Variants in RHOH observed in about 807,000 individuals in gnomAD.
The protein encoded by RHOH is rho-related GTP-binding protein RhoH.
In RHOH, 6 loss-of-function variants were observed where a neutral mutation model predicts 13.8. The ratio of observed to expected loss-of-function variants is 0.44; its 90% CI spans 0.24 to 0.86. The LOEUF is 0.86. Among genes scored for constraint, RHOH ranks in the 40% least tolerant of loss-of-function variants. The pLI is 0.24. For synonymous variants in RHOH, 117 were observed against 103.0 expected (o/e 1.14, Z -0.82); for missense variants, 147 against 244.5 (o/e 0.60, Z 2.66).
chr4:40,243,806 C>T lies in RHOH; in HGVS notation c.420C>T (p.Ala140=). ...CVNAMEGKKL[A]QDVRAKGYLE... ...ATGCCATGGAAGGGAAGAAACTGGC[C>T]CAGGATGTCAGAGCCAAGGGCTACC... Residue 140 remains alanine, a synonymous_variant, in exon 3 of 3, where the codon GCC becomes GCT. Coordinates refer to ENST00000381799, the MANE Select transcript of RHOH (RefSeq NM_004310.5). This position sits in a 1 kb window ranked among gnomAD's most constrained non-coding sequence, Gnocchi z 6.2. The T allele has an allele frequency of 6.2e-7, 1 of 1,614,112 alleles. No homozygotes were observed. Among genetic ancestry groups the T allele is most frequent in the African/African-American group, 1.3e-5 (1 of 75,032 alleles).
chr4:40,216,234 C>T (rs113387466), intron 1 of RHOH, among the ~76,000 whole-genome samples: 149 of 151,056 alleles, frequency 9.9e-4, no homozygotes, highest in Middle Eastern at 6.8e-3. Flanking sequence ...TTTGGGAGAC[C>T]GAGGTGGGTG....
intron 1 of RHOH, among the ~76,000 whole-genome samples, chr4:40,242,065 C>T (rs1729321850): frequency 6.6e-6 from 1 of 152,186 alleles, no homozygotes; most frequent in Admixed American, 6.5e-5. Flanking sequence ...CAGGAATAAC[C>T]TTTACTCTGA....
intron 1 of RHOH, among the ~76,000 whole-genome samples, chr4:40,204,487 C>T (rs1465683063): frequency 6.6e-6 from 1 of 152,170 alleles, no homozygotes; most frequent in African/African-American, 2.4e-5. Context: ...TAGTTTTGGT[C>T]ACAGATTCGT....
At chr4:40,203,731 T>C (rs1479871438) in intron 1 of RHOH, among the ~76,000 whole-genome samples, 1 of 152,228 alleles carries the variant, frequency 6.6e-6, no homozygotes, top group Middle Eastern at 3.4e-3. Flanking sequence ...TAAAGGAATA[T>C]AGTTTGTGGC....
chr4:40,235,918 G>GCTGCAGTGAGCTGTGATTGTGCCA (rs1728511396), intron 1 of RHOH, among the ~76,000 whole-genome samples: 2 of 151,384 alleles, frequency 1.3e-5, no homozygotes, highest in African/African-American at 4.9e-5. Context: ...GGAGGTCCAG[G>GCTGCAGTGAGCTGTGATTGTGCCA]CTGCAGTGAG....
intron 1 of RHOH, among the ~76,000 whole-genome samples, chr4:40,241,104 G>A (rs1034336927): frequency 3.3e-5 from 5 of 152,182 alleles, no homozygotes; most frequent in African/African-American, 9.7e-5. Context: ...GTTGCCTCTT[G>A]GTCTAAGGAT....
intron 1 of RHOH, chr4:40,209,496 A>T: frequency 6.6e-6 from 1 of 152,174 alleles, no homozygotes; most frequent in East Asian, 1.9e-4. Context: ...CCCAGGCTAG[A>T]GTGCAGTGGC....
chr4:40,221,820 T>C (rs1424392418), intron 1 of RHOH, among the ~76,000 whole-genome samples: 1 of 152,192 alleles, frequency 6.6e-6, no homozygotes, highest in Non-Finnish European at 1.5e-5. Flanking sequence ...GAGGAAGGCA[T>C]GTTGAAAGCT....
intron 1 of RHOH, among the ~76,000 whole-genome samples, chr4:40,228,011 A>G (rs1020784396): frequency 2.0e-5 from 3 of 152,178 alleles, no homozygotes; most frequent in African/African-American, 4.8e-5. Context: ...AGAAATAATC[A>G]TATATTTATA....
chr4:40,191,156 C>T (rs760451294), upstream of RHOH: 7 of 152,170 alleles, frequency 4.6e-5, no homozygotes, highest in African/African-American at 9.7e-5. Context: ...CCTAGGAGCT[C>T]GGGCCCTTGA....
intron 1 of RHOH, among the ~76,000 whole-genome samples, chr4:40,224,913 T>G (rs1165927492): frequency 6.6e-6 from 1 of 152,216 alleles, no homozygotes; most frequent in Non-Finnish European, 1.5e-5. Flanking sequence ...ACTGAATTAT[T>G]GTTATTATTT....
intron 1 of RHOH, among the ~76,000 whole-genome samples, chr4:40,227,303 A>G (rs554014136): frequency 6.6e-6 from 1 of 152,276 alleles, no homozygotes; most frequent in African/African-American, 2.4e-5. Flanking sequence ...TGGCATGTCT[A>G]TCTAGCTATA....
At chr4:40,197,614 A>T (rs780708920) in intron 1 of RHOH, among the ~76,000 whole-genome samples, 2 of 152,316 alleles carry the variant, frequency 1.3e-5, no homozygotes, top group African/African-American at 4.8e-5. Flanking sequence ...TAGTTTAAAT[A>T]CTACCCAAGG....
chr4:40,243,968 A>G lies in RHOH; in HGVS notation c.*6A>G. 6.2e-7 allele frequency: 1 copy of G among 1,603,096 alleles called. No homozygotes were observed. Among genetic ancestry groups the G allele is most frequent in the Non-Finnish European group, 8.5e-7 (1 of 1,173,736 alleles). On this transcript the variant is annotated 3_prime_UTR_variant, in exon 3 of 3. Coordinates refer to ENST00000381799, the MANE Select transcript of RHOH (RefSeq NM_004310.5). The surrounding 1 kb of genome is among the most constrained non-coding windows in gnomAD (Gnocchi z 6.2). ...ATGAGTGCAAGATCTTCTAAACCCC[A>G]AGAGACTTCACACAACACTTATGTA...
chr4:40,226,616 C>T (rs1203054837), intron 1 of RHOH, among the ~76,000 whole-genome samples: 4 of 152,052 alleles, frequency 2.6e-5, no homozygotes, highest in Admixed American at 6.6e-5. Context: ...AATTGCATAT[C>T]GGCAGCCTTA....
intron 1 of RHOH, among the ~76,000 whole-genome samples, chr4:40,222,397 G>A (rs1265771136): frequency 1.3e-5 from 2 of 152,240 alleles, no homozygotes; most frequent in Non-Finnish European, 2.9e-5. Context: ...GGCTAATGCA[G>A]CTGGTTGCTT....
chr4:40,206,187 C>G (rs936364522), intron 1 of RHOH, among the ~76,000 whole-genome samples: 1 of 152,220 alleles, frequency 6.6e-6, no homozygotes, highest in Non-Finnish European at 1.5e-5. Flanking sequence ...AAATCTCTTC[C>G]TTGGCTCTTT....
At chr4:40,203,405 A>G (rs1724261439) in intron 1 of RHOH, among the ~76,000 whole-genome samples, 1 of 152,206 alleles carries the variant, frequency 6.6e-6, no homozygotes, top group South Asian at 2.1e-4. Context: ...TGCATTTTTA[A>G]CAAATCCTCC....
At chr4:40,233,145 G>C (rs1467655886) in intron 1 of RHOH, among the ~76,000 whole-genome samples, 1 of 152,066 alleles carries the variant, frequency 6.6e-6, no homozygotes, top group Non-Finnish European at 1.5e-5. Context: ...CTCTGTGCCA[G>C]GCACTATTCA....
Sources: gnomAD v4.1 joint callset for allele counts (sites outside exome capture counted in the v4.1 genomes callset) on GRCh38, gnomAD v4.1.1 for gene constraint, Gnocchi (gnomAD v3.1) non-coding constraint, MANE v1.5 for transcripts, NCBI Gene and HGNC (gene_info 2026-07-23, HGNC 2026-07-21) for gene names.